Variants in RGS8 observed in about 807,000 individuals in gnomAD.
RGS8 encodes the protein regulator of G-protein signaling 8.
A neutral mutation model predicts 21.7 loss-of-function variants in RGS8; 8 were observed. That is an observed-to-expected ratio of 0.37 (90% confidence interval 0.22 to 0.66). The LOEUF (loss-of-function observed/expected upper bound fraction) is 0.66. Among genes scored for constraint, RGS8 ranks in the 30% least tolerant of loss-of-function variants. The pLI is 0.59. For synonymous variants in RGS8, 80 were observed against 83.6 expected (o/e 0.96, Z 0.24); for missense variants, 157 against 217.9 (o/e 0.72, Z 1.76).
At chr1:182,720,172 TTTG>T in the RGS8 span, among the ~76,000 whole-genome samples, 1 of 152,148 alleles carries the variant, frequency 6.6e-6, no homozygotes, top group Admixed American at 6.5e-5. Flanking sequence ...TGTTTGTTTG[TTTG>T]TTTTGTTTTG....
chr1:182,658,093 G>C (rs1663373332), intron 5 of RGS8, among the ~76,000 whole-genome samples: 1 of 152,188 alleles, frequency 6.6e-6, no homozygotes, highest in Admixed American at 6.5e-5. Context: ...AAAGGGAAAG[G>C]CTTGTGTCCA....
the RGS8 span, among the ~76,000 whole-genome samples, chr1:182,740,150 C>T: frequency 6.6e-6 from 1 of 152,212 alleles, no homozygotes; most frequent in Non-Finnish European, 1.5e-5. Flanking sequence ...CATCTGTGCA[C>T]ATGTTGTGTT....
Position 182,671,642 on chromosome 1 carries a change from A to G in RGS8, c.-104+15T>C, listed in dbSNP as rs199703421. 1.2e-6 allele frequency: 2 copies of G among 1,612,654 alleles called. No homozygotes were observed. Among genetic ancestry groups the G allele is most frequent in the East Asian group, 2.2e-5 (1 of 44,872 alleles). On this transcript the variant is annotated intron_variant, in intron 2 of 6. Transcript: ENST00000483095. ...CACCCCGGAGAAGAAAGAGAAAAGC[A>G]AAGGCAATACTCACTGTCTTTGGCC...
upstream of RGS8, among the ~76,000 whole-genome samples, chr1:182,689,283 AC>A (rs1264359819): frequency 6.8e-6 from 1 of 147,842 alleles, no homozygotes; most frequent in Non-Finnish European, 1.5e-5. Flanking sequence ...ACACACACAC[AC>A]ACACACACAC....
chr1:182,695,307 C>T, the RGS8 span, among the ~76,000 whole-genome samples: 2 of 152,142 alleles, frequency 1.3e-5, no homozygotes, highest in African/African-American at 2.4e-5. Context: ...GACAAGTTTT[C>T]GGTGCCACAA....
intron 5 of RGS8, among the ~76,000 whole-genome samples, chr1:182,650,290 G>C (rs1451573717): frequency 6.6e-6 from 1 of 152,098 alleles, no homozygotes; most frequent in Admixed American, 6.5e-5. Flanking sequence ...CACTGGCCAG[G>C]GTCATTTGAT....
At chr1:182,673,055 G>T, upstream of RGS8, 1 of 588,278 alleles carries the variant, frequency 1.7e-6, no homozygotes, top group Non-Finnish European at 3.0e-6. Flanking sequence ...GCAAACCGCT[G>T]CCCTGGGAGA....
chr1:182,682,554 A>G (rs12063639), intron 1 of RGS8, among the ~76,000 whole-genome samples: 3,083 of 152,212 alleles, frequency 0.02, 106 homozygotes, highest in African/African-American at 0.07. Context: ...GCACATCTTG[A>G]CCACTGGGAG....
chr1:182,739,654 G>A, the RGS8 span, among the ~76,000 whole-genome samples: 17 of 152,190 alleles, frequency 1.1e-4, 1 homozygote, highest in Admixed American at 9.8e-4. Flanking sequence ...AGGGGGAATC[G>A]CCATGGCCCT....
intron 5 of RGS8, among the ~76,000 whole-genome samples, chr1:182,651,952 T>G (rs547318997): frequency 6.6e-6 from 1 of 152,342 alleles, no homozygotes; most frequent in East Asian, 1.9e-4. Flanking sequence ...GATTTCACTA[T>G]CAATGGACAC....
At chr1:182,653,044 G>C (rs562533640) in intron 5 of RGS8, among the ~76,000 whole-genome samples, 2 of 152,326 alleles carry the variant, frequency 1.3e-5, no homozygotes, top group Non-Finnish European at 2.9e-5. Context: ...CATACACCAA[G>C]AGGCCTGTGA....
At chr1:182,707,882 AT>A in the RGS8 span, among the ~76,000 whole-genome samples, 1 of 151,726 alleles carries the variant, frequency 6.6e-6, no homozygotes, top group African/African-American at 2.4e-5. Context: ...AATTTTTTGT[AT>A]TTTTAGTAGA....
the RGS8 span, among the ~76,000 whole-genome samples, chr1:182,701,668 A>G: frequency 6.6e-6 from 1 of 152,190 alleles, no homozygotes; most frequent in African/African-American, 2.4e-5. Context: ...ACTGAATGCT[A>G]TTCAGGAAGC....
chr1:182,712,472 T>C, the RGS8 span, among the ~76,000 whole-genome samples: 1 of 152,220 alleles, frequency 6.6e-6, no homozygotes, highest in Non-Finnish European at 1.5e-5. Context: ...TTTATTGATA[T>C]ATCCTTCCAA....
At chr1:182,741,233 G>A in the RGS8 span, among the ~76,000 whole-genome samples, 1 of 144,376 alleles carries the variant, frequency 6.9e-6, no homozygotes, top group Non-Finnish European at 1.5e-5. Context: ...GGGCAGAGGG[G>A]CTCCTCACTT....
chr1:182,741,526 G>A, the RGS8 span, among the ~76,000 whole-genome samples: 2 of 132,270 alleles, frequency 1.5e-5, no homozygotes, highest in African/African-American at 2.8e-5. Flanking sequence ...CTCCCGGACG[G>A]GGCGGCTGGC....
chr1:182,732,875 A>T, the RGS8 span, among the ~76,000 whole-genome samples: 3 of 152,242 alleles, frequency 2.0e-5, no homozygotes, highest in African/African-American at 7.2e-5. Context: ...TTCTTGTGGC[A>T]CATGCCTCAG....
At chr1:182,729,361 A>G in the RGS8 span, among the ~76,000 whole-genome samples, 3,286 of 152,328 alleles carry the variant, frequency 0.022, 134 homozygotes, top group African/African-American at 0.074. Context: ...CAATATAGAT[A>G]TCTCTTTCAC....
chr1:182,646,643 T>G, exon 7 of RGS8: 2 of 1,214,546 alleles, frequency 1.6e-6, no homozygotes, highest in Non-Finnish European at 2.3e-6. Context: ...ATGCCACCGC[T>G]TTTGAACACC....
Sources: gnomAD v4.1 joint callset for allele counts (sites outside exome capture counted in the v4.1 genomes callset) on GRCh38, gnomAD v4.1.1 for gene constraint, MANE v1.5 for transcripts, NCBI Gene and HGNC (gene_info 2026-07-23, HGNC 2026-07-21) for gene names.